DOCK9: variants seen among roughly 807,000 people sequenced by gnomAD.
DOCK9 encodes the protein dedicator of cytokinesis protein 9.
A neutral mutation model predicts 263.3 loss-of-function variants in DOCK9; 89 were observed. The ratio of observed to expected loss-of-function variants is 0.34; its 90% CI spans 0.28 to 0.40. DOCK9 has a LOEUF of 0.40. Ranked by LOEUF, DOCK9 falls within the 10% of genes least tolerant of loss-of-function variation. The pLI is 1.00. For missense variants in DOCK9, 2,140 were observed against 2,603.4 expected (o/e 0.82, Z 3.87); for synonymous variants, 976 against 973.1 (o/e 1.00, Z -0.06).
chr13:98,916,182 C>T (rs1024918975), intron 7 of DOCK9, among the ~76,000 whole-genome samples: 6 of 152,216 alleles, frequency 3.9e-5, no homozygotes, highest in Admixed American at 6.5e-5. Context: ...TTCTCAATCT[C>T]GGTACTACTG....
chr13:99,084,317 T>C (rs1335708826), intron 1 of DOCK9, among the ~76,000 whole-genome samples: 1 of 152,216 alleles, frequency 6.6e-6, no homozygotes, highest in Non-Finnish European at 1.5e-5. Flanking sequence ...CATTTCCTAT[T>C]TCCCATTCAG....
chr13:98,887,509 G>A (rs528096261), intron 18 of DOCK9, among the ~76,000 whole-genome samples: 2 of 149,520 alleles, frequency 1.3e-5, no homozygotes, highest in Admixed American at 6.7e-5. Context: ...CCAGCTACTC[G>A]GGAGGCTGAG....
upstream of DOCK9, among the ~76,000 whole-genome samples, chr13:98,978,406 T>C (rs1875905477): frequency 6.6e-6 from 1 of 152,226 alleles, no homozygotes; most frequent in Admixed American, 6.5e-5. Flanking sequence ...ATTTGTGTTA[T>C]GGTTAAAAAC....
In DOCK9 at chr13:98,977,945, T is replaced by G; in HGVS notation, c.-36A>C. The G allele has an allele frequency of 6.5e-7, 1 of 1,549,664 alleles. No individual in the cohort carries two copies. Among genetic ancestry groups the G allele is most frequent in the Non-Finnish European group, 8.7e-7 (1 of 1,146,108 alleles). ...AAACGCAAGTCAGAAAGTCTGCAAC[T>G]GGAACAGCTGCGAGTCCCTGGCCGT... On this transcript the variant is annotated 5_prime_UTR_variant, in exon 1 of 53. Transcript: ENST00000682017.
In DOCK9 at chr13:99,008,185, CCTCTCTCTCTCT is replaced by C. The variant is rs370963218; in HGVS notation, c.130-52646_130-52635del. Among the ~76,000 whole-genome samples the C allele has an allele frequency of 6.1e-4, 62 of 100,994 alleles. 1 individual carries two copies. Among genetic ancestry groups the C allele is most frequent in the Admixed American group, 3.0e-3 (25 of 8,330 alleles). 66.3% of individuals were successfully genotyped at this position (100,994 alleles called of 152,430 possible). On this transcript the variant is annotated intron_variant, in intron 1 of 32. Transcript: ENST00000427887. Reference sequence around the variant, plus strand: ...CAGATGTTTATGATATATTGTGCAGCCTCTCTCTCTCTCTCTCTCTCTCTCTCTATATATATA... The same window carrying C: ...CAGATGTTTATGATATATTGTGCAGCCTCTCTCTCTCTCTCTATATATATA...
Position 98,955,512 on chromosome 13 carries a change from C to G in DOCK9, c.166G>C (p.Val56Leu). The change falls in exon 2 of 53, where the codon GTC (valine) becomes CTC (leucine). Residue 56 changes from valine (V) to leucine (L), a missense_variant. Transcript: ENST00000682017. ...KLIEPLDYENVIVQKKTQILN... is the reference protein window; with the variant it reads ...KLIEPLDYENLIVQKKTQILN... ...ATCTGAGTCTTCTTCTGGACGATGACATTTTCATAGTCGAGTGGCTCAATT... is the reference window on the plus strand; with the variant it reads ...ATCTGAGTCTTCTTCTGGACGATGAGATTTTCATAGTCGAGTGGCTCAATT... 1.3e-6 allele frequency: 2 copies of G among 1,598,388 alleles called. No homozygotes were observed. The highest frequency in any genetic ancestry group is 1.1e-5 in the South Asian group (1 of 88,082).
intron 48 of DOCK9, among the ~76,000 whole-genome samples, chr13:98,807,113 C>T (rs536515409): frequency 1.3e-5 from 2 of 152,244 alleles, no homozygotes; most frequent in African/African-American, 4.8e-5. Flanking sequence ...GAGGGTGGGA[C>T]ACACAAAGGT....
At chr13:99,058,387 C>G (rs1483624166) in intron 1 of DOCK9, among the ~76,000 whole-genome samples, 1 of 152,092 alleles carries the variant, frequency 6.6e-6, no homozygotes, top group Non-Finnish European at 1.5e-5. Flanking sequence ...GTCTTGAACT[C>G]CTGACCTCAA....
intron 1 of DOCK9, among the ~76,000 whole-genome samples, chr13:98,998,486 T>A (rs1881561378): frequency 6.6e-6 from 1 of 152,150 alleles, no homozygotes. Flanking sequence ...ATCTGAATGA[T>A]CCGGGCAGAG....
In DOCK9 at chr13:98,917,510, G is replaced by A. The variant is rs1312781511; in HGVS notation, c.718-2007C>T. On this transcript the variant is annotated intron_variant, in intron 7 of 52. Coordinates refer to ENST00000682017, the MANE Select transcript of DOCK9 (RefSeq NM_001366683.2). ...AGATTGTTCATAGTGGTGGCCTTCA[G>A]AGAAGGCTGAATTGCCAGCTAAGAG... 3.9e-5 allele frequency among the ~76,000 whole-genome samples: 6 copies of A among 152,186 alleles called. No homozygotes were observed. The South Asian group carries it at 6.2e-4, about 16-fold the overall frequency.
chr13:98,862,978 G>C, intron 32 of DOCK9, 41 bp downstream of exon 32: 2 of 1,536,698 alleles, frequency 1.3e-6, no homozygotes, highest in Non-Finnish European at 8.9e-7. Context: ...GCTTCCCCGG[G>C]ACCTGATATA....
intron 27 of DOCK9, among the ~76,000 whole-genome samples, chr13:98,877,441 C>T (rs1948030587): frequency 6.6e-6 from 1 of 152,170 alleles, no homozygotes; most frequent in South Asian, 2.1e-4. Flanking sequence ...TTCGTTACCT[C>T]CCTGACCATC....
chr13:99,070,915 A>G (rs1041497568), intron 1 of DOCK9, among the ~76,000 whole-genome samples: 4 of 152,262 alleles, frequency 2.6e-5, no homozygotes, highest in African/African-American at 9.6e-5. Flanking sequence ...GTAAGATCAT[A>G]AACTTTTTTC....
rs745722473 is a variant in DOCK9, at chr13:98,901,851, C to T, written c.1430G>A (p.Arg477Lys). The T allele has an allele frequency of 2.5e-6, 4 of 1,612,842 alleles. No individual in the cohort carries two copies. The highest frequency in any genetic ancestry group is 3.4e-6 in the Non-Finnish European group (4 of 1,179,382). Residue 477 changes from arginine (R) to lysine (K), a missense_variant, in exon 13 of 53, where the codon AGA becomes AAA. Physicochemically the swap from Arg to Lys is conservative, Grantham distance 26 (BLOSUM62 2). Around this residue, in one of 2 missense-constraint regions of DOCK9, gnomAD observed 1,521 missense variants for 1,741.7 expected, o/e 0.87. Coordinates refer to ENST00000682017, the MANE Select transcript of DOCK9 (RefSeq NM_001366683.2). Reference protein sequence around the residue: ...CPHPDIFLVARIEKVLQGSIT... With the variant: ...CPHPDIFLVAKIEKVLQGSIT... ...GCTCCCCTGAAGGACTTTTTCAATT[C>T]TGGCCACAAGAAATATATCTGGATG...
intron 32 of DOCK9, among the ~76,000 whole-genome samples, chr13:98,861,762 A>T (rs1322271782): frequency 6.6e-6 from 1 of 152,226 alleles, no homozygotes; most frequent in Admixed American, 6.5e-5. Flanking sequence ...TTTTGAGATA[A>T]TTTCTGGGGT....
At chr13:99,086,157 G>A (rs1437784002) in intron 1 of DOCK9, 16 of 1,413,066 alleles carry the variant, frequency 1.1e-5, no homozygotes, top group Non-Finnish European at 1.5e-5. Context: ...GAGGCGCCCG[G>A]CCCGGGGCCC....
intron 1 of DOCK9, among the ~76,000 whole-genome samples, chr13:98,996,028 G>A (rs2141770353): frequency 6.6e-6 from 1 of 152,244 alleles, no homozygotes; most frequent in South Asian, 2.1e-4. Context: ...GCCATGGCAG[G>A]CATATTGAGG....
intron 48 of DOCK9, among the ~76,000 whole-genome samples, 193 bp downstream of exon 48, chr13:98,807,468 C>T (rs2090859837): frequency 6.6e-6 from 1 of 151,880 alleles, no homozygotes; most frequent in Non-Finnish European, 1.5e-5. Flanking sequence ...AAAAATTAGG[C>T]GATAAAGATT....
chr13:98,904,493 C>T, intron 10 of DOCK9, 139 bp downstream of exon 10: 2 of 625,062 alleles, frequency 3.2e-6, no homozygotes, highest in South Asian at 2.2e-5. Context: ...TTTTATTTTT[C>T]CTCTTTTCCC....
Sources: allele counts gnomAD v4.1 joint callset (sites outside exome capture counted in the v4.1 genomes callset), GRCh38; gene constraint gnomAD v4.1.1; regional missense constraint gnomAD v4.1.1; transcripts MANE v1.5; gene names NCBI Gene and HGNC (gene_info 2026-07-23, HGNC 2026-07-21).